Variants in ST6GAL2 observed in about 807,000 individuals in gnomAD.
The protein encoded by ST6GAL2 is ST6 beta-galactoside alpha-2,6-sialyltransferase 2.
ST6GAL2 carries 24 observed loss-of-function variants against 37.5 expected under a neutral mutation model. The ratio of observed to expected loss-of-function variants is 0.64; its 90% CI spans 0.46 to 0.90. The LOEUF (loss-of-function observed/expected upper bound fraction) is 0.90. Ranked by LOEUF, ST6GAL2 falls within the 40% of genes least tolerant of loss-of-function variation. ST6GAL2 has a pLI of 0.00. For synonymous variants in ST6GAL2, 306 were observed against 295.1 expected, an observed-to-expected ratio of 1.04 and a Z score of -0.38; for missense variants, 715 against 712.7, an observed-to-expected ratio of 1.00 and a Z score of -0.04.
At chr2:106,859,975 A>C (rs1677732734) in intron 1 of ST6GAL2, among the ~76,000 whole-genome samples, 1 of 150,906 alleles carries the variant, frequency 6.6e-6, no homozygotes, top group Non-Finnish European at 1.5e-5. Context: ...GCTCCCTCCT[A>C]CCCGACCCCT....
chr2:106,855,665 T>C (rs1677546681), intron 1 of ST6GAL2, among the ~76,000 whole-genome samples: 1 of 152,218 alleles, frequency 6.6e-6, no homozygotes, highest in African/African-American at 2.4e-5. Flanking sequence ...AAACTCTTAT[T>C]ATATTAGTTT....
intron 1 of ST6GAL2, among the ~76,000 whole-genome samples, chr2:106,858,764 T>C (rs1165718196): frequency 6.6e-6 from 1 of 152,050 alleles, no homozygotes; most frequent in Non-Finnish European, 1.5e-5. Context: ...GGGGATTGAA[T>C]GTAGAAGGGA....
intron 4 of ST6GAL2, among the ~76,000 whole-genome samples, chr2:106,832,030 T>C (rs553055756): frequency 1.3e-5 from 2 of 152,352 alleles, no homozygotes; most frequent in African/African-American, 4.8e-5. Flanking sequence ...TTTGTGTTTT[T>C]ATGGCTAGCA....
Position 106,806,754 on chromosome 2 carries a change from C to A in ST6GAL2, c.1514G>T (p.Arg505Leu), listed in dbSNP as rs376753460. The A allele has an allele frequency of 1.2e-6, 2 of 1,614,156 alleles. No homozygotes were observed. The highest frequency in any genetic ancestry group is 2.2e-5 in the East Asian group (1 of 44,862). Residue 505 changes from arginine (R) to leucine (L), a missense_variant, in exon 6 of 6, where the codon CGC (arginine) becomes CTC (leucine). Coordinates refer to ENST00000409382, the MANE Select transcript of ST6GAL2 (RefSeq NM_001142351.2). ...GCCGGGAAGAACCACCTTGCCCTTG[C>A]GATGCAAATCCCCCTGCGTGCCCAT... ...LNMGTQGDLH[R>L]KGKVVLPGFQ...
chr2:106,832,218 T>C (rs1247958434), intron 4 of ST6GAL2, among the ~76,000 whole-genome samples: 1 of 152,240 alleles, frequency 6.6e-6, no homozygotes, highest in Non-Finnish European at 1.5e-5. Flanking sequence ...GTCTTCCAAC[T>C]ACTTGAAAGG....
In ST6GAL2 at chr2:106,804,827, G is replaced by A. The variant is rs1488659010; in HGVS notation, c.*1851C>T. On this transcript the variant is annotated 3_prime_UTR_variant, in exon 6 of 6. Transcript: ENST00000409382. ...ACTGCACTCTAGCCTGGGCGACAGAGCGAGAGACTGTCTCAAAAAAAAAAA... is the reference window on the plus strand; with the variant it reads ...ACTGCACTCTAGCCTGGGCGACAGAACGAGAGACTGTCTCAAAAAAAAAAA... 2.4e-5 allele frequency: 3 copies of A among 124,244 alleles called. No homozygotes were observed. Among genetic ancestry groups the A allele is most frequent in the Non-Finnish European group, 4.9e-5 (3 of 60,666 alleles). 7.7% of individuals were successfully genotyped at this position (124,244 alleles called of 1,614,324 possible).
rs1191784678 is a variant in ST6GAL2, at chr2:106,803,820, C to T, written c.*2858G>A. On this transcript the variant is annotated 3_prime_UTR_variant, in exon 6 of 6. Coordinates refer to ENST00000409382, the MANE Select transcript of ST6GAL2 (RefSeq NM_001142351.2). ...GAAGAGACAGAACCTGGGAGAAATT[C>T]AGTGAGCTGCCACTTACTGTTAACT... is the stretch of plus-strand genomic sequence containing the variant. 6.6e-6 allele frequency: 1 copy of T among 152,134 alleles called. No homozygotes were observed. Among genetic ancestry groups the T allele is most frequent in the Non-Finnish European group, 1.5e-5 (1 of 68,042 alleles). The allele number at this position is 152,134 out of a possible 1,614,324, so 9.4% of individuals were successfully genotyped here.
At chr2:106,821,539 C>A (rs896929740) in intron 5 of ST6GAL2, among the ~76,000 whole-genome samples, 7 of 151,688 alleles carry the variant, frequency 4.6e-5, no homozygotes, top group Admixed American at 6.6e-5. Flanking sequence ...AGTTTCCCAG[C>A]AAAGAAAAGT....
Position 106,806,940 on chromosome 2 carries a change from A to G in ST6GAL2, c.1328T>C (p.Ile443Thr). 3 of 1,607,202 alleles carry G rather than the reference A, an allele frequency of 1.9e-6. No homozygotes were observed. Among genetic ancestry groups the G allele is most frequent in the Non-Finnish European group, 2.6e-6 (3 of 1,174,396 alleles). The change falls in exon 6 of 6, where the codon ATA (isoleucine) becomes ACA (threonine). Residue 443 changes from isoleucine (I) to threonine (T), a missense_variant. Around this residue, in one of 3 missense-constraint regions of ST6GAL2, gnomAD observed 198 missense variants for 203.6 expected, o/e 0.97. Transcript: ENST00000409382. The stretch of plus-strand genomic sequence containing the variant: ...CACCTCTCTGCACATGGACATCATT[A>G]TGAGGATTCCTGACATGAAAACCAA... ...PPSSGFIGIL[I>T]MMSMCREVHV...
At chr2:106,860,740 A>G (rs553578291) in intron 1 of ST6GAL2, among the ~76,000 whole-genome samples, 3 of 152,212 alleles carry the variant, frequency 2.0e-5, no homozygotes, top group Non-Finnish European at 4.4e-5. Flanking sequence ...ACGTCTAATT[A>G]CATGAATAAG....
chr2:106,875,794 T>A (rs1678477921), intron 1 of ST6GAL2, among the ~76,000 whole-genome samples: 1 of 152,226 alleles, frequency 6.6e-6, no homozygotes, highest in Admixed American at 6.5e-5. Context: ...AAACTGACCA[T>A]ATAGGAAGCT....
At chr2:106,859,308 G>GA (rs1055167906) in intron 1 of ST6GAL2, among the ~76,000 whole-genome samples, 2 of 152,104 alleles carry the variant, frequency 1.3e-5, no homozygotes, top group East Asian at 3.9e-4. Context: ...GAAGTGGATG[G>GA]AAAATACACA....
chr2:106,845,713 T>C (rs563169068), intron 1 of ST6GAL2, among the ~76,000 whole-genome samples: 2 of 152,292 alleles, frequency 1.3e-5, no homozygotes, highest in Admixed American at 6.5e-5. Flanking sequence ...TACATTCCTT[T>C]TGTGGCTCTA....
intron 1 of ST6GAL2, among the ~76,000 whole-genome samples, chr2:106,872,399 A>G (rs1008244321): frequency 1.3e-5 from 2 of 152,174 alleles, no homozygotes; most frequent in East Asian, 3.9e-4. Context: ...CAGAATAACA[A>G]CCACTAACAG....
chr2:106,823,846 G>A (rs993541385), intron 5 of ST6GAL2, among the ~76,000 whole-genome samples: 2 of 152,186 alleles, frequency 1.3e-5, no homozygotes, highest in African/African-American at 4.8e-5. Flanking sequence ...TCTTCACACA[G>A]TGGAAGAGGC....
intron 1 of ST6GAL2, among the ~76,000 whole-genome samples, chr2:106,867,463 C>A (rs1678079781): frequency 1.3e-5 from 2 of 152,212 alleles, no homozygotes; most frequent in African/African-American, 4.8e-5. Context: ...AGTATTCACT[C>A]TGTGCCAGGG....
intron 1 of ST6GAL2, among the ~76,000 whole-genome samples, chr2:106,845,937 G>T (rs959452624): frequency 6.6e-6 from 1 of 152,174 alleles, no homozygotes; most frequent in Non-Finnish European, 1.5e-5. Flanking sequence ...AGACACCAGT[G>T]AAGACATATC....
intron 4 of ST6GAL2, among the ~76,000 whole-genome samples, chr2:106,831,404 T>C (rs1323976939): frequency 6.6e-6 from 1 of 152,182 alleles, no homozygotes; most frequent in Non-Finnish European, 1.5e-5. Flanking sequence ...GTCCAATAGC[T>C]AGAAACTCTC....
intron 5 of ST6GAL2, among the ~76,000 whole-genome samples, chr2:106,817,488 A>C (rs909030859): frequency 1.3e-5 from 2 of 152,200 alleles, no homozygotes; most frequent in African/African-American, 4.8e-5. Flanking sequence ...AACCTGCTTC[A>C]TGGAGAGAAG....
Sources: gnomAD v4.1 joint callset for allele counts (sites outside exome capture counted in the v4.1 genomes callset) on GRCh38, gnomAD v4.1.1 for gene constraint, gnomAD v4.1.1 regional missense constraint, MANE v1.5 for transcripts, NCBI Gene and HGNC (gene_info 2026-07-23, HGNC 2026-07-21) for gene names.